The following TMCO4 variants were observed in gnomAD, a reference collection of about 807,000 sequenced individuals.
The protein encoded by TMCO4 is transmembrane and coiled-coil domains 4.
A neutral mutation model predicts 64.7 loss-of-function variants in TMCO4; 58 were observed. That is an observed-to-expected ratio of 0.90 (90% confidence interval 0.73 to 1.12). The LOEUF is 1.12. TMCO4 is among the 50% of genes most tolerant of loss of function. The pLI is 0.00. For synonymous variants in TMCO4, 325 were observed against 346.1 expected, an observed-to-expected ratio of 0.94 and a Z score of 0.68; for missense variants, 780 against 825.9, an observed-to-expected ratio of 0.94 and a Z score of 0.68.
intron 13 of TMCO4, among the ~76,000 whole-genome samples, chr1:19,704,419 A>G (rs1199610619): frequency 1.3e-5 from 2 of 152,252 alleles, no homozygotes; most frequent in Admixed American, 6.5e-5. Context: ...GGCTTGCCCA[A>G]GGTCACACAG....
chr1:19,725,585 C>A (rs1318300907), intron 13 of TMCO4, among the ~76,000 whole-genome samples: 8 of 152,180 alleles, frequency 5.3e-5, no homozygotes. Context: ...CACCTCCCTG[C>A]CCTTGGCACG....
Position 19,747,154 on chromosome 1 carries a change from T to A in TMCO4, c.613+9A>T. 1 of 1,613,536 alleles carries A rather than the reference T, an allele frequency of 6.2e-7. No homozygotes were observed. The highest frequency in any genetic ancestry group is 8.5e-7 in the Non-Finnish European group (1 of 1,179,544). On this transcript the variant is annotated intron_variant, in intron 8 of 15. Transcript: ENST00000294543. ...CCAGACGTGTGCCACCATCTCTAGC[T>A]GGACTCACCGATCACCGTTCCGCCT... is the stretch of plus-strand genomic sequence containing the variant.
intron 15 of TMCO4, 118 bp from the exon 16 acceptor site, chr1:19,683,562 AC>A (rs1318749866): frequency 8.5e-7 from 1 of 1,174,558 alleles, no homozygotes; most frequent in Non-Finnish European, 1.2e-6. Flanking sequence ...CCAACGAATC[AC>A]CAAACCCATG....
Position 19,694,562 on chromosome 1 carries a change from G to T in TMCO4, c.1383-11C>A. On this transcript the variant is annotated splice_polypyrimidine_tract_variant and intron_variant, in intron 14 of 15. Transcript: ENST00000294543. The stretch of plus-strand genomic sequence containing the variant: ...AGCAGCCAGTCTCCCCTGTGGGAGG[G>T]TAGAGAAGCATGTGAACATTAGCAC... 1 of 1,612,264 alleles carries T rather than the reference G, an allele frequency of 6.2e-7. No homozygotes were observed. The highest frequency in any genetic ancestry group is 8.5e-7 in the Non-Finnish European group (1 of 1,178,490).
chr1:19,734,574 G>A lies in TMCO4; in HGVS notation c.1264+2798C>T, dbSNP rs1409183439. Among the ~76,000 whole-genome samples, 1 of 151,960 alleles carries A rather than the reference G, an allele frequency of 6.6e-6. No homozygotes were observed. Among genetic ancestry groups the A allele is most frequent in the Non-Finnish European group, 1.5e-5 (1 of 67,960 alleles). ...TGGCACAGTGCCAGGCTCCCACCCT[G>A]ACCTATTAGCATTTCCCACCAACCC... On this transcript the variant is annotated intron_variant, in intron 13 of 15. Transcript: ENST00000294543. The surrounding 1 kb of genome is among the most constrained non-coding windows in gnomAD (Gnocchi z 4.4).
chr1:19,763,063 A>G (rs1183631497), intron 6 of TMCO4, among the ~76,000 whole-genome samples: 2 of 151,706 alleles, frequency 1.3e-5, no homozygotes, highest in Non-Finnish European at 2.9e-5. Flanking sequence ...GGGGAATAAG[A>G]ATATCTTTTT....
chr1:19,738,865 A>C (rs2095467222), intron 12 of TMCO4, among the ~76,000 whole-genome samples: 1 of 152,256 alleles, frequency 6.6e-6, no homozygotes. Context: ...GCAGCTAGGA[A>C]TGGTCATGTG....
intron 2 of TMCO4, among the ~76,000 whole-genome samples, chr1:19,797,597 G>A (rs780823827): frequency 1.3e-5 from 2 of 152,032 alleles, no homozygotes; most frequent in Non-Finnish European, 2.9e-5. Flanking sequence ...AAGGCCAGGC[G>A]CGGTGGCTCA....
At chr1:19,766,899 T>C (rs371970966) in intron 6 of TMCO4, among the ~76,000 whole-genome samples, 4 of 152,166 alleles carry the variant, frequency 2.6e-5, no homozygotes, top group East Asian at 3.8e-4. Flanking sequence ...GTCTAGGTGA[T>C]TTGAGGGTCT....
At chr1:19,728,810 T>C (rs2095418805) in intron 13 of TMCO4, among the ~76,000 whole-genome samples, 1 of 152,152 alleles carries the variant, frequency 6.6e-6, no homozygotes, top group Admixed American at 6.5e-5. Flanking sequence ...ACTTCCAGCC[T>C]CCAAGCAGTA....
At chr1:19,772,132 G>A (rs1464894722) in intron 4 of TMCO4, among the ~76,000 whole-genome samples, 1 of 152,196 alleles carries the variant, frequency 6.6e-6, no homozygotes, top group Non-Finnish European at 1.5e-5. Flanking sequence ...ACAGCAGGGT[G>A]GATGCTCAAG....
At chr1:19,791,542 A>C (rs1474001259) in intron 2 of TMCO4, among the ~76,000 whole-genome samples, 2 of 152,118 alleles carry the variant, frequency 1.3e-5, no homozygotes, top group African/African-American at 2.4e-5. Flanking sequence ...TGCTGTGTAT[A>C]CTGGTTCTTG....
intron 7 of TMCO4, among the ~76,000 whole-genome samples, chr1:19,755,391 A>C (rs927652927): frequency 6.6e-6 from 1 of 152,226 alleles, no homozygotes; most frequent in Non-Finnish European, 1.5e-5. Flanking sequence ...CTGGGATTAC[A>C]GGCGTAAGCC....
chr1:19,746,623 G>T, intron 8 of TMCO4, 24 bp from the exon 9 acceptor site: 2 of 1,590,778 alleles, frequency 1.3e-6, no homozygotes, highest in South Asian at 2.2e-5. Flanking sequence ...AGCAGTTTCA[G>T]GTGGGAGTAA....
chr1:19,770,600 A>G (rs41300126), intron 5 of TMCO4, 31 bp from the exon 6 acceptor site: 81 of 1,609,522 alleles, frequency 5.0e-5, no homozygotes, highest in Non-Finnish European at 6.6e-5. Flanking sequence ...CATCAATGAC[A>G]AAGCTGATAT....
At chr1:19,709,795 T>C (rs1358699435) in intron 13 of TMCO4, among the ~76,000 whole-genome samples, 1 of 144,828 alleles carries the variant, frequency 6.9e-6, no homozygotes, top group East Asian at 2.0e-4. Flanking sequence ...CTTTTCTTTC[T>C]TTTTTTTTTT....
intron 7 of TMCO4, among the ~76,000 whole-genome samples, chr1:19,749,756 C>T (rs2041947021): frequency 6.6e-6 from 1 of 152,222 alleles, no homozygotes; most frequent in Non-Finnish European, 1.5e-5. Flanking sequence ...GATAGGGTCA[C>T]TCTGTCAGCC....
intron 14 of TMCO4, 136 bp from the exon 15 acceptor site, chr1:19,694,687 G>A (rs562727198): frequency 5.3e-4 from 385 of 733,162 alleles, no homozygotes; most frequent in South Asian, 1.0e-3. Context: ...CTGATTGCAC[G>A]GTGGGGATGG....
At chr1:19,789,575 A>T (rs1180904702) in intron 2 of TMCO4, among the ~76,000 whole-genome samples, 1 of 152,182 alleles carries the variant, frequency 6.6e-6, no homozygotes, top group Non-Finnish European at 1.5e-5. Context: ...CATTTCGGTC[A>T]TGAGCTTATT....
Sources: allele counts gnomAD v4.1 joint callset (sites outside exome capture counted in the v4.1 genomes callset), GRCh38; gene constraint gnomAD v4.1.1; non-coding constraint Gnocchi (gnomAD v3.1); transcripts MANE v1.5; gene names NCBI Gene and HGNC (gene_info 2026-07-23, HGNC 2026-07-21).